Variants in ACOT12 observed in about 807,000 individuals in gnomAD.
ACOT12 encodes the protein acyl-CoA thioesterase 12, also known as acetyl-coenzyme A thioesterase.
In ACOT12, 51 loss-of-function variants were observed where a neutral mutation model predicts 67.7. The ratio of observed to expected loss-of-function variants is 0.75; its 90% CI spans 0.60 to 0.95. The LOEUF (loss-of-function observed/expected upper bound fraction) is 0.95, where lower values mean the gene tolerates loss of function less well. Ranked by LOEUF, ACOT12 falls within the 40% of genes least tolerant of loss-of-function variation. ACOT12 has a pLI of 0.00. For synonymous variants in ACOT12, 251 were observed against 244.6 expected, an observed-to-expected ratio of 1.03 and a Z score of -0.24; for missense variants, 734 against 708.1, an observed-to-expected ratio of 1.04 and a Z score of -0.41.
At chr5:81,311,343 A>G in the ACOT12 span, 1 of 1,501,558 alleles carries the variant, frequency 6.7e-7, no homozygotes, top group Non-Finnish European at 9.3e-7. Flanking sequence ...TTTATTCTGC[A>G]CTTGTTATTA....
the ACOT12 span, among the ~76,000 whole-genome samples, chr5:81,323,025 T>G: frequency 7.2e-6 from 1 of 139,418 alleles, no homozygotes; most frequent in African/African-American, 2.7e-5. Context: ...TATCCTGAGG[T>G]GAGAGAATAG....
intron 13 of ACOT12, 59 bp from the exon 14 acceptor site, chr5:81,330,999 A>T (rs1758804169): frequency 6.7e-7 from 1 of 1,503,162 alleles, no homozygotes; most frequent in Non-Finnish European, 8.9e-7. Context: ...TTAGAAAATA[A>T]ATCCCTATAG....
intron 5 of ACOT12, among the ~76,000 whole-genome samples, chr5:81,354,538 C>T (rs1011624060): frequency 1.3e-5 from 2 of 152,108 alleles, no homozygotes; most frequent in Non-Finnish European, 2.9e-5. Flanking sequence ...CAACCCTTCC[C>T]AATAGACGAA....
intron 1 of ACOT12, among the ~76,000 whole-genome samples, chr5:81,393,349 TA>T (rs1229985487): frequency 2.6e-5 from 4 of 152,198 alleles, no homozygotes; most frequent in Non-Finnish European, 5.9e-5. Flanking sequence ...TAAAAATAAT[TA>T]AAAATTTTAA....
chr5:81,334,499 C>T (rs1268656401), intron 12 of ACOT12, among the ~76,000 whole-genome samples: 1 of 152,212 alleles, frequency 6.6e-6, no homozygotes, highest in African/African-American at 2.4e-5. Context: ...TTGTCGCAGG[C>T]CCTATGAGGA....
At chr5:81,314,116 A>G in the ACOT12 span, among the ~76,000 whole-genome samples, 1 of 151,690 alleles carries the variant, frequency 6.6e-6, no homozygotes, top group Non-Finnish European at 1.5e-5. Context: ...GTGTGTGTAT[A>G]ATTTTTTTTT....
chr5:81,321,383 C>A, the ACOT12 span, among the ~76,000 whole-genome samples: 1 of 152,202 alleles, frequency 6.6e-6, no homozygotes, highest in Non-Finnish European at 1.5e-5. Context: ...AGCCCTCAGA[C>A]CAAATCACCT....
the ACOT12 span, among the ~76,000 whole-genome samples, chr5:81,319,051 T>C: frequency 6.6e-6 from 1 of 151,962 alleles, no homozygotes; most frequent in South Asian, 2.1e-4. Context: ...GAGAAGAGAA[T>C]GGGAATAGGA....
chr5:81,347,972 A>G, intron 5 of ACOT12, 42 bp from the exon 6 acceptor site: 1 of 1,588,418 alleles, frequency 6.3e-7, no homozygotes, highest in African/African-American at 1.3e-5. Flanking sequence ...GGAGTGAACC[A>G]TAGGCCCTGG....
chr5:81,345,807 C>T (rs772303749), intron 7 of ACOT12, 78 bp downstream of exon 7: 78 of 1,572,646 alleles, frequency 5.0e-5, no homozygotes, highest in Non-Finnish European at 6.3e-5. Flanking sequence ...AGTTCCCATA[C>T]TCACCTCCAG....
At chr5:81,325,040 A>G (rs901531269), downstream of ACOT12, among the ~76,000 whole-genome samples, 2 of 152,204 alleles carry the variant, frequency 1.3e-5, no homozygotes, top group East Asian at 3.8e-4. Flanking sequence ...CAGTGGAGGT[A>G]AAGAAGCTCC....
intron 3 of ACOT12, among the ~76,000 whole-genome samples, chr5:81,364,366 C>T (rs180845642): frequency 7.4e-4 from 111 of 150,998 alleles, no homozygotes; most frequent in African/African-American, 2.3e-3. Context: ...ACATGAAATA[C>T]GTGTGTGTAT....
intron 2 of ACOT12, among the ~76,000 whole-genome samples, chr5:81,384,966 T>A (rs1420857537): frequency 6.6e-6 from 1 of 152,170 alleles, no homozygotes; most frequent in African/African-American, 2.4e-5. Context: ...ATGTTTGAAA[T>A]GTTTGTGTAT....
chr5:81,373,121 G>A (rs1760304294), intron 2 of ACOT12, among the ~76,000 whole-genome samples: 1 of 152,194 alleles, frequency 6.6e-6, no homozygotes, highest in Non-Finnish European at 1.5e-5. Context: ...CAGCGAGATC[G>A]ATGCAGAAGG....
At chr5:81,359,239 CG>C (rs1580562530) in intron 5 of ACOT12, among the ~76,000 whole-genome samples, 1 of 152,160 alleles carries the variant, frequency 6.6e-6, no homozygotes. Context: ...TGCTCTCCAC[CG>C]GCACCCCTTG....
the ACOT12 span, among the ~76,000 whole-genome samples, chr5:81,321,986 A>T: frequency 6.6e-6 from 1 of 150,520 alleles, no homozygotes; most frequent in African/African-American, 2.5e-5. Flanking sequence ...GAACTGGAAG[A>T]TGAATCTAAA....
intron 3 of ACOT12, among the ~76,000 whole-genome samples, chr5:81,371,031 C>T (rs758168295): frequency 1.3e-5 from 2 of 152,126 alleles, no homozygotes; most frequent in African/African-American, 2.4e-5. Context: ...AGTTATCCTG[C>T]TTTTAAAAAA....
intron 12 of ACOT12, among the ~76,000 whole-genome samples, chr5:81,333,433 T>C (rs1295096729): frequency 6.6e-6 from 1 of 152,188 alleles, no homozygotes; most frequent in Non-Finnish European, 1.5e-5. Flanking sequence ...ATCTGTAAAA[T>C]TTAGATAATG....
intron 2 of ACOT12, among the ~76,000 whole-genome samples, chr5:81,377,472 G>A (rs545846229): frequency 6.6e-6 from 1 of 152,270 alleles, no homozygotes; most frequent in South Asian, 2.1e-4. Context: ...TCAACATAGT[G>A]TTGGAAGTTC....
Sources: allele counts gnomAD v4.1 joint callset (sites outside exome capture counted in the v4.1 genomes callset), GRCh38; gene constraint gnomAD v4.1.1; transcripts MANE v1.5; gene names NCBI Gene and HGNC (gene_info 2026-07-23, HGNC 2026-07-21).